GRIN2A: variants seen among roughly 807,000 people sequenced by gnomAD.
GRIN2A encodes glutamate ionotropic receptor NMDA type subunit 2A.
In GRIN2A, 22 loss-of-function variants were observed where a neutral mutation model predicts 113.4. That is an observed-to-expected ratio of 0.19 (90% CI 0.14 to 0.28). The LOEUF (loss-of-function observed/expected upper bound fraction) is 0.28. Ranked by LOEUF, GRIN2A falls within the 10% of genes least tolerant of loss-of-function variation. GRIN2A has a pLI of 1.00. For missense variants in GRIN2A, 1,502 were observed against 1,887.0 expected, an observed-to-expected ratio of 0.80 and a Z score of 3.78; for synonymous variants, 827 against 738.4, an observed-to-expected ratio of 1.12 and a Z score of -1.94.
At chr16:10,045,609 G>C (rs552045402) in intron 2 of GRIN2A, among the ~76,000 whole-genome samples, 1 of 152,204 alleles carries the variant, frequency 6.6e-6, no homozygotes, top group Non-Finnish European at 1.5e-5. Context: ...ATGCCAGACT[G>C]GGTCAGACCA....
chr16:9,945,213 G>A (rs549484117), intron 2 of GRIN2A, among the ~76,000 whole-genome samples: 2 of 152,180 alleles, frequency 1.3e-5, no homozygotes, highest in East Asian at 3.9e-4. Flanking sequence ...ATCAAATGAT[G>A]TCATAGTTCA....
intron 2 of GRIN2A, among the ~76,000 whole-genome samples, chr16:10,079,397 G>A (rs1429276184): frequency 1.3e-5 from 2 of 152,164 alleles, no homozygotes; most frequent in East Asian, 3.9e-4. Flanking sequence ...CATGTTTCAG[G>A]CAGAGGAAAA....
intron 2 of GRIN2A, among the ~76,000 whole-genome samples, chr16:9,967,327 G>A (rs894533719): frequency 3.3e-5 from 5 of 152,176 alleles, no homozygotes; most frequent in Non-Finnish European, 5.9e-5. Context: ...TATTCGAAGC[G>A]AAGTAACTCG....
At chr16:9,957,630 C>A (rs530164458) in intron 2 of GRIN2A, among the ~76,000 whole-genome samples, 1 of 152,154 alleles carries the variant, frequency 6.6e-6, no homozygotes, top group African/African-American at 2.4e-5. Flanking sequence ...GGAGATTACC[C>A]AAATGATGTC....
At chr16:9,926,663 C>T (rs950239380) in intron 3 of GRIN2A, among the ~76,000 whole-genome samples, 1 of 152,016 alleles carries the variant, frequency 6.6e-6, no homozygotes, top group African/African-American at 2.4e-5. Context: ...AAAATGAGTA[C>T]AAGACAACCT....
chr16:9,971,314 T>C (rs1427500093), intron 2 of GRIN2A, among the ~76,000 whole-genome samples: 2 of 152,194 alleles, frequency 1.3e-5, no homozygotes, highest in Non-Finnish European at 2.9e-5. Flanking sequence ...TCAACCACCA[T>C]GCTTTGTGAA....
intron 3 of GRIN2A, among the ~76,000 whole-genome samples, chr16:9,929,053 C>T (rs551893803): frequency 2.0e-5 from 3 of 152,308 alleles, no homozygotes; most frequent in South Asian, 4.2e-4. Flanking sequence ...GAATTTACAG[C>T]GTAACTCTTT....
chr16:10,072,089 T>C (rs2047763827), intron 2 of GRIN2A, among the ~76,000 whole-genome samples: 2 of 152,304 alleles, frequency 1.3e-5, no homozygotes, highest in African/African-American at 4.8e-5. Flanking sequence ...TACCTCTATC[T>C]GGGGACTTGG....
chr16:9,881,843 A>G (rs1354336143), intron 4 of GRIN2A, among the ~76,000 whole-genome samples: 4 of 152,214 alleles, frequency 2.6e-5, no homozygotes, highest in Non-Finnish European at 5.9e-5. Context: ...ATGTGTCACA[A>G]TGTTCTTCAA....
At chr16:10,035,702 A>C (rs2047012305) in intron 2 of GRIN2A, among the ~76,000 whole-genome samples, 1 of 150,218 alleles carries the variant, frequency 6.7e-6, no homozygotes. Flanking sequence ...CACTTTGAGA[A>C]CCACTGCACT....
intron 3 of GRIN2A, among the ~76,000 whole-genome samples, chr16:9,916,149 C>T (rs2044245109): frequency 6.6e-6 from 1 of 152,116 alleles, no homozygotes; most frequent in South Asian, 2.1e-4. Flanking sequence ...GGAATAATCC[C>T]ATGCAACTCA....
chr16:10,151,465 C>A (rs2049570274), intron 2 of GRIN2A, among the ~76,000 whole-genome samples: 1 of 152,150 alleles, frequency 6.6e-6, no homozygotes, highest in African/African-American at 2.4e-5. Flanking sequence ...ATCAAATGTT[C>A]CTTCAAGGTG....
In GRIN2A at chr16:9,891,107, A is replaced by T. The variant is rs780386807; in HGVS notation, c.1008-7T>A. 1 of 1,560,908 alleles carries T rather than the reference A, an allele frequency of 6.4e-7. No individual in the cohort carries two copies. The highest frequency in any genetic ancestry group is 1.1e-5 in the South Asian group (1 of 90,008). Reference sequence around the variant, plus strand: ...TGTAACATTGACCATAAATCTAGAAAGGGGAAGAGAGAAAGACAAATTTTT... The same window carrying T: ...TGTAACATTGACCATAAATCTAGAATGGGGAAGAGAGAAAGACAAATTTTT... On this transcript the variant is annotated splice_region_variant and splice_polypyrimidine_tract_variant and intron_variant, in intron 3 of 12. Coordinates refer to ENST00000330684, the MANE Select transcript of GRIN2A (RefSeq NM_001134407.3).
At chr16:9,996,738 C>G (rs1596401327) in intron 2 of GRIN2A, among the ~76,000 whole-genome samples, 1 of 152,158 alleles carries the variant, frequency 6.6e-6, no homozygotes, top group African/African-American at 2.4e-5. Flanking sequence ...TTTTTTAACA[C>G]TACAGCACCT....
chr16:9,844,953 G>C (rs898123317), intron 5 of GRIN2A, among the ~76,000 whole-genome samples: 3 of 152,102 alleles, frequency 2.0e-5, no homozygotes, highest in Non-Finnish European at 4.4e-5. Context: ...CCAGAAGTGA[G>C]AAACAAAAAG....
chr16:9,871,855 G>A (rs12928192), intron 4 of GRIN2A, among the ~76,000 whole-genome samples: 34,387 of 151,970 alleles, frequency 0.23, 4,047 homozygotes, highest in African/African-American at 0.25. Context: ...ATCTCCCACA[G>A]CATGGCACAA....
At chr16:10,056,357 T>C (rs1041656424) in intron 2 of GRIN2A, among the ~76,000 whole-genome samples, 10 of 152,134 alleles carry the variant, frequency 6.6e-5, no homozygotes, top group African/African-American at 2.4e-4. Context: ...TTCACCCTTC[T>C]CTTTATACAA....
intron 2 of GRIN2A, among the ~76,000 whole-genome samples, chr16:9,982,833 T>G (rs935069893): frequency 6.6e-6 from 1 of 152,154 alleles, no homozygotes; most frequent in African/African-American, 2.4e-5. Context: ...CCCTACACCT[T>G]GAATCACCCA....
At chr16:10,057,277 T>G (rs988544974) in intron 2 of GRIN2A, among the ~76,000 whole-genome samples, 1 of 152,112 alleles carries the variant, frequency 6.6e-6, no homozygotes, top group Non-Finnish European at 1.5e-5. Flanking sequence ...CAAGAATAAA[T>G]ACAATCTAAG....
Sources: gnomAD v4.1 joint callset for allele counts (sites outside exome capture counted in the v4.1 genomes callset) on GRCh38, gnomAD v4.1.1 for gene constraint, MANE v1.5 for transcripts, NCBI Gene and HGNC (gene_info 2026-07-23, HGNC 2026-07-21) for gene names.